PIEZO2: variants seen among roughly 807,000 people sequenced by gnomAD.
PIEZO2 encodes the protein piezo-type mechanosensitive ion channel component 2.
A neutral mutation model predicts 337.3 loss-of-function variants in PIEZO2; 172 were observed. That is an observed-to-expected ratio of 0.51 (90% confidence interval 0.45 to 0.58). PIEZO2 has a LOEUF of 0.58. PIEZO2 is among the 20% of genes least tolerant of loss of function. PIEZO2 has a pLI of 0.00. For missense variants in PIEZO2, 3,028 were observed against 3,391.3 expected (o/e 0.89, Z 2.66); for synonymous variants, 1,251 against 1,228.5 (o/e 1.02, Z -0.38).
At chr18:11,100,435 A>G (rs991302262) in intron 1 of PIEZO2, among the ~76,000 whole-genome samples, 6 of 152,238 alleles carry the variant, frequency 3.9e-5, no homozygotes, top group Non-Finnish European at 8.8e-5. Context: ...AGAAGATCTA[A>G]CAGGCTGGAA....
rs151262446 is a variant in PIEZO2 at position 10,920,057 on chromosome 18, T to G, written c.287-8829A>C. On this transcript the variant is annotated intron_variant, in intron 3 of 55. Coordinates refer to ENST00000674853, the MANE Select transcript of PIEZO2 (RefSeq NM_001378183.1). ...AAAAAGATACAAGTATATTTCATTC[T>G]TTTCCCACAGTGTTCCCCCTAATTC... Among the ~76,000 whole-genome samples, 1,044 of 152,300 alleles carry G rather than the reference T, an allele frequency of 6.9e-3. 12 individuals are homozygous for G. The highest frequency in any genetic ancestry group is 0.021 in the African/African-American group (882 of 41,578).
chr18:10,756,183 T>G (rs557247062), intron 27 of PIEZO2, among the ~76,000 whole-genome samples: 17 of 133,160 alleles, frequency 1.3e-4, no homozygotes, highest in Admixed American at 3.1e-4. Context: ...GGGATGAGGA[T>G]GAGGCAGAGG....
chr18:10,835,708 A>G (rs1267143482), intron 7 of PIEZO2, among the ~76,000 whole-genome samples: 5 of 152,080 alleles, frequency 3.3e-5, no homozygotes. Context: ...CACACCTGGC[A>G]AATTTTTGTA....
Position 10,859,387 on chromosome 18 carries a change from C to T in PIEZO2, c.493-2176G>A, listed in dbSNP as rs1438018722. Among the ~76,000 whole-genome samples, 2 of 152,220 alleles carry T rather than the reference C, an allele frequency of 1.3e-5. No homozygotes were observed. The highest frequency in any genetic ancestry group is 4.8e-5 in the African/African-American group (2 of 41,462). On this transcript the variant is annotated intron_variant, in intron 5 of 55. Transcript: ENST00000674853. This position sits in a 1 kb window ranked among gnomAD's most constrained non-coding sequence, Gnocchi z 4.9. ...GAGGAGCTGCCAGCTCCAGCCAGTACATCAGACCACTCACCTGCAGCTGGC... is the reference window on the plus strand; with the variant it reads ...GAGGAGCTGCCAGCTCCAGCCAGTATATCAGACCACTCACCTGCAGCTGGC...
intron 5 of PIEZO2, among the ~76,000 whole-genome samples, chr18:10,865,323 T>A (rs2041977289): frequency 6.6e-6 from 1 of 152,212 alleles, no homozygotes; most frequent in African/African-American, 2.4e-5. Context: ...AGATGCTGTG[T>A]GCAGCATCAA....
chr18:10,896,666 C>G (rs1309717776), intron 4 of PIEZO2, among the ~76,000 whole-genome samples: 1 of 152,154 alleles, frequency 6.6e-6, no homozygotes, highest in Admixed American at 6.5e-5. Flanking sequence ...TTGCTGCCTC[C>G]CTGTGCTACT....
intron 34 of PIEZO2, among the ~76,000 whole-genome samples, chr18:10,735,810 A>C (rs1257302515): frequency 6.6e-6 from 1 of 152,158 alleles, no homozygotes; most frequent in Admixed American, 6.5e-5. Flanking sequence ...TGGCCAAAAA[A>C]CTGACGAAGG....
At chr18:10,793,401 C>T (rs187633544) in intron 13 of PIEZO2, among the ~76,000 whole-genome samples, 144 of 152,192 alleles carry the variant, frequency 9.5e-4, no homozygotes, top group African/African-American at 3.3e-3. Context: ...ACCTAGGTTC[C>T]CGGAGTAACT....
rs775668527 is a variant in PIEZO2 at position 10,862,889 on chromosome 18, C to G, written c.493-5678G>C. On this transcript the variant is annotated intron_variant, in intron 5 of 55. Coordinates refer to ENST00000674853, the MANE Select transcript of PIEZO2 (RefSeq NM_001378183.1). The surrounding 1 kb of genome is among the most constrained non-coding windows in gnomAD (Gnocchi z 4.4). Reference sequence around the variant, plus strand: ...ATTTTTTTAATCATATCCTAGCAGACTCCCTTATTTGGAAAATAGATTGAA... The same window carrying G: ...ATTTTTTTAATCATATCCTAGCAGAGTCCCTTATTTGGAAAATAGATTGAA... 2.4e-4 allele frequency among the ~76,000 whole-genome samples: 37 copies of G among 152,208 alleles called. No individual in the cohort carries two copies. Among genetic ancestry groups the G allele is most frequent in the Non-Finnish European group, 2.5e-4 (17 of 68,034 alleles).
Position 10,872,161 on chromosome 18 carries a change from T to C in PIEZO2, c.330-746A>G, listed in dbSNP as rs2042155440. 6.6e-6 allele frequency among the ~76,000 whole-genome samples: 1 copy of C among 152,236 alleles called. No homozygotes were observed. The highest frequency in any genetic ancestry group is 2.4e-5 in the African/African-American group (1 of 41,460). On this transcript the variant is annotated intron_variant, in intron 4 of 55. Coordinates refer to ENST00000674853, the MANE Select transcript of PIEZO2 (RefSeq NM_001378183.1). The surrounding 1 kb of genome is among the most constrained non-coding windows in gnomAD (Gnocchi z 4.3). ...ATGAAATAATGTTCGTGAAAGTTCT[T>C]TGTAAAGAATGAAACACATATTTTC...
In PIEZO2 at chr18:11,148,534, G is replaced by A; in HGVS notation, c.55C>T (p.Leu19=). 1 of 1,537,212 alleles carries A rather than the reference G, an allele frequency of 6.5e-7. No individual in the cohort carries two copies. Residue 19 remains leucine (L), a synonymous_variant, in exon 1 of 56, where the codon CTG becomes TTG. Coordinates refer to ENST00000674853, the MANE Select transcript of PIEZO2 (RefSeq NM_001378183.1). The surrounding 1 kb of genome is among the most constrained non-coding windows in gnomAD (Gnocchi z 5.2). ...LIFRLLLPIC[L]AVACAFRYNG... ...AGCGGACCAGACTCACCTACTGCCAGGCAGATGGGCAGCAGCAGCCTGAAG... is the reference window on the plus strand; with the variant it reads ...AGCGGACCAGACTCACCTACTGCCAAGCAGATGGGCAGCAGCAGCCTGAAG...
chr18:10,986,742 TA>T (rs1277715038), intron 2 of PIEZO2, among the ~76,000 whole-genome samples: 1 of 151,946 alleles, frequency 6.6e-6, no homozygotes, highest in Non-Finnish European at 1.5e-5. Context: ...GAGAAAGAAA[TA>T]AAAGACATCT....
Position 10,794,668 on chromosome 18 carries a change from T to G in PIEZO2, c.1758+104A>C. 3 of 919,802 alleles carry G rather than the reference T, an allele frequency of 3.3e-6. No homozygotes were observed. The highest frequency in any genetic ancestry group is 3.2e-6 in the Non-Finnish European group (2 of 629,582). 57.0% of individuals were successfully genotyped at this position (919,802 alleles called of 1,614,324 possible). The stretch of plus-strand genomic sequence containing the variant: ...ATGTTTGTTCATTTTTACAAAGCAG[T>G]GAATATTTGGAACCTGTTTTTATAA... On this transcript the variant is annotated intron_variant, in intron 13 of 55. Coordinates refer to ENST00000674853, the MANE Select transcript of PIEZO2 (RefSeq NM_001378183.1). The surrounding 1 kb of genome is among the most constrained non-coding windows in gnomAD (Gnocchi z 6.6).
chr18:11,109,405 G>T lies in PIEZO2; in HGVS notation c.64+39120C>A, dbSNP rs73400569. Among the ~76,000 whole-genome samples, 5,028 of 152,208 alleles carry T rather than the reference G, an allele frequency of 0.033. 276 individuals are homozygous for T. Among genetic ancestry groups the T allele is most frequent in the African/African-American group, 0.11 (4,685 of 41,498 alleles). On this transcript the variant is annotated intron_variant, in intron 1 of 55. Coordinates refer to ENST00000674853, the MANE Select transcript of PIEZO2 (RefSeq NM_001378183.1). The surrounding 1 kb of genome is among the most constrained non-coding windows in gnomAD (Gnocchi z 5.1). Reference sequence around the variant, plus strand: ...TGGCAGGTGGGAGCTGGGGGGTGTAGCTCTGATTTCAGTATGGAATTAGAA... The same window carrying T: ...TGGCAGGTGGGAGCTGGGGGGTGTATCTCTGATTTCAGTATGGAATTAGAA...
chr18:10,847,970 T>C lies in PIEZO2; in HGVS notation c.917+7383A>G, dbSNP rs190887189. On this transcript the variant is annotated intron_variant, in intron 7 of 55. Coordinates refer to ENST00000674853, the MANE Select transcript of PIEZO2 (RefSeq NM_001378183.1). The surrounding 1 kb of genome is among the most constrained non-coding windows in gnomAD (Gnocchi z 5.7). Reference sequence around the variant, plus strand: ...TTTACATTTGTTTTTCTCCACACACTGGACCGATTTCAGATGAAGGTTTTG... The same window carrying C: ...TTTACATTTGTTTTTCTCCACACACCGGACCGATTTCAGATGAAGGTTTTG... Among the ~76,000 whole-genome samples the C allele has an allele frequency of 5.3e-5, 8 of 152,324 alleles. No individual in the cohort carries two copies. The East Asian group carries it at 1.5e-3, about 29-fold the overall frequency.
rs180971787 is a variant in PIEZO2 at position 10,763,131 on chromosome 18, A to G, written c.2947-33T>C. 3.9e-6 allele frequency: 6 copies of G among 1,528,572 alleles called. No individual in the cohort carries two copies. In the African/African-American group the frequency reaches 5.5e-5, roughly 14 times the overall value. The allele number at this position is 1,528,572 out of a possible 1,614,324, so 94.7% of individuals were successfully genotyped here. ...CGTAAAACCAGAAATGGGGACAAAA[A>G]TACGTAACACGGCATAACAAACAGG... On this transcript the variant is annotated intron_variant, in intron 21 of 55. Coordinates refer to ENST00000674853, the MANE Select transcript of PIEZO2 (RefSeq NM_001378183.1).
chr18:10,906,651 C>G (rs2029956548), intron 4 of PIEZO2, among the ~76,000 whole-genome samples: 1 of 152,228 alleles, frequency 6.6e-6, no homozygotes, highest in South Asian at 2.1e-4. Context: ...ACCTCCGCCT[C>G]CTGGGTTCAA....
At chr18:10,867,471 T>C (rs1212972728) in intron 5 of PIEZO2, among the ~76,000 whole-genome samples, 1 of 152,180 alleles carries the variant, frequency 6.6e-6, no homozygotes, top group East Asian at 1.9e-4. Context: ...GGACTTAATA[T>C]TGCATCCCTG....
At position 10,794,369 on chromosome 18, in the gene PIEZO2, C is replaced by T. The variant is rs1395280613; in HGVS notation, c.1758+403G>A. 6.6e-6 allele frequency among the ~76,000 whole-genome samples: 1 copy of T among 152,142 alleles called. No homozygotes were observed. Among genetic ancestry groups the T allele is most frequent in the Non-Finnish European group, 1.5e-5 (1 of 68,024 alleles). On this transcript the variant is annotated intron_variant, in intron 13 of 55. Coordinates refer to ENST00000674853, the MANE Select transcript of PIEZO2 (RefSeq NM_001378183.1). This position sits in a 1 kb window ranked among gnomAD's most constrained non-coding sequence, Gnocchi z 6.6. ...ATTGGAGAAAAACGTCATGAATAAT[C>T]AATACTTATCTGTGACACTAATGCA...
Sources: gnomAD v4.1 joint callset for allele counts (sites outside exome capture counted in the v4.1 genomes callset) on GRCh38, gnomAD v4.1.1 for gene constraint, Gnocchi (gnomAD v3.1) non-coding constraint, MANE v1.5 for transcripts, NCBI Gene and HGNC (gene_info 2026-07-23, HGNC 2026-07-21) for gene names.